DPH6: variants seen among roughly 807,000 people sequenced by gnomAD.
DPH6 encodes the protein diphthamine biosynthesis 6.
In DPH6, 33 loss-of-function variants were observed where a neutral mutation model predicts 38.2. The ratio of observed to expected loss-of-function variants is 0.86; its 90% CI spans 0.65 to 1.15. DPH6 has a LOEUF of 1.15. Ranked by LOEUF, DPH6 falls within the 50% of genes most tolerant of loss-of-function variation. The probability of loss-of-function intolerance (pLI) is 0.00; values close to 1 mark genes in which losing one functional copy is unlikely to be tolerated. For missense variants in DPH6, 325 were observed against 320.0 expected (o/e 1.02, Z -0.12); for synonymous variants, 108 against 103.0 (o/e 1.05, Z -0.30).
chr15:35,237,298 G>A lies in DPH6; in HGVS notation n.201-16716C>T, dbSNP rs144488255. 322 of 1,561,014 alleles carry A rather than the reference G, an allele frequency of 2.1e-4. 1 individual carries two copies. In the African/African-American group the frequency reaches 3.2e-3, roughly 16 times the overall value. ...GTGTTATTGATTGAATTCCAGCGGC[G>A]CGGGAGCCTCTGCAGAGAACGCGAG... On this transcript the variant is annotated intron_variant and non_coding_transcript_variant, in intron 3 of 3. Coordinates refer to the DPH6 transcript ENST00000560386.
chr15:35,260,707 T>TC (rs1271875211), intron 3 of DPH6, among the ~76,000 whole-genome samples: 2 of 152,086 alleles, frequency 1.3e-5, no homozygotes, highest in Non-Finnish European at 2.9e-5. Context: ...TTTTTTTACC[T>TC]CCTTCCCTAT....
chr15:35,223,247 AAG>A (rs1220201851), intron 3 of DPH6, among the ~76,000 whole-genome samples: 1 of 152,132 alleles, frequency 6.6e-6, no homozygotes, highest in African/African-American at 2.4e-5. Context: ...GAAGAGCAAA[AAG>A]AGGGCAAGAA....
chr15:35,489,625 G>T, intron 3 of DPH6: 7 of 981,984 alleles, frequency 7.1e-6, no homozygotes, highest in Non-Finnish European at 7.3e-6. Flanking sequence ...AAAGTTCTCT[G>T]CAACATAATG....
chr15:35,245,304 T>C (rs1039788277), intron 3 of DPH6, among the ~76,000 whole-genome samples: 18 of 142,670 alleles, frequency 1.3e-4, no homozygotes, highest in Admixed American at 1.1e-3. Flanking sequence ...AGTGGTGCCA[T>C]CTCGGCTCAC....
chr15:35,216,163 C>A (rs969561999), downstream of DPH6, among the ~76,000 whole-genome samples: 7 of 152,272 alleles, frequency 4.6e-5, no homozygotes, highest in South Asian at 2.1e-4. Context: ...GGGTTGTGGG[C>A]CTTTGGACAG....
intron 3 of DPH6, among the ~76,000 whole-genome samples, chr15:35,513,811 A>G (rs2054808573): frequency 6.6e-6 from 1 of 152,038 alleles, no homozygotes; most frequent in Non-Finnish European, 1.5e-5. Context: ...AATGAACATT[A>G]TAACACTCGA....
chr15:35,478,406 A>ACACAC (rs1566925048), intron 3 of DPH6, among the ~76,000 whole-genome samples: 9 of 131,264 alleles, frequency 6.9e-5, no homozygotes, highest in African/African-American at 2.7e-4. Flanking sequence ...CACACACACA[A>ACACAC]AGATTGTAAA....
chr15:35,380,217 C>T (rs1164846236), intron 7 of DPH6, among the ~76,000 whole-genome samples: 1 of 152,236 alleles, frequency 6.6e-6, no homozygotes, highest in Admixed American at 6.5e-5. Flanking sequence ...GTTCTACTCA[C>T]ACTTTGCACT....
chr15:35,523,318 T>C (rs1307561797), intron 3 of DPH6, among the ~76,000 whole-genome samples: 1 of 150,568 alleles, frequency 6.6e-6, no homozygotes, highest in Non-Finnish European at 1.5e-5. Flanking sequence ...CCATTATCTC[T>C]ATTTGGAGAC....
downstream of DPH6, among the ~76,000 whole-genome samples, chr15:35,326,145 T>G (rs889875018): frequency 3.3e-5 from 5 of 152,204 alleles, no homozygotes; most frequent in African/African-American, 1.2e-4. Context: ...TTTTCTGAAC[T>G]TGAACATGTG....
At chr15:35,357,532 T>A (rs888920318) in intron 3 of DPH6, among the ~76,000 whole-genome samples, 3 of 152,260 alleles carry the variant, frequency 2.0e-5, no homozygotes, top group African/African-American at 7.2e-5. Context: ...TCAGGATTTA[T>A]TTCAAGATTG....
At chr15:35,221,558 TGA>T (rs999353766) in intron 3 of DPH6, among the ~76,000 whole-genome samples, 18 of 152,200 alleles carry the variant, frequency 1.2e-4, no homozygotes, top group African/African-American at 4.3e-4. Flanking sequence ...TGTATGTTCC[TGA>T]GAGAGGTAGC....
intron 3 of DPH6, among the ~76,000 whole-genome samples, chr15:35,515,285 A>G (rs1406142661): frequency 6.6e-6 from 1 of 152,102 alleles, no homozygotes; most frequent in East Asian, 1.9e-4. Context: ...AGCATATAGA[A>G]CAAAATCATC....
At chr15:35,171,277 C>T in the DPH6 span, among the ~76,000 whole-genome samples, 1 of 152,220 alleles carries the variant, frequency 6.6e-6, no homozygotes, top group South Asian at 2.1e-4. Flanking sequence ...GGAATTACCA[C>T]CACCATCAGG....
intron 3 of DPH6, among the ~76,000 whole-genome samples, chr15:35,516,393 A>C (rs1011141318): frequency 6.6e-6 from 1 of 152,220 alleles, no homozygotes; most frequent in African/African-American, 2.4e-5. Context: ...TATATGATCT[A>C]TTCTACATGG....
chr15:35,450,639 C>A, intron 5 of DPH6, 46 bp downstream of exon 5: 4 of 1,441,530 alleles, frequency 2.8e-6, no homozygotes, highest in South Asian at 2.3e-5. Flanking sequence ...GAACTGAGAT[C>A]ATCTATGTGG....
At chr15:35,262,163 CT>C (rs1477450831) in intron 3 of DPH6, among the ~76,000 whole-genome samples, 9 of 152,072 alleles carry the variant, frequency 5.9e-5, no homozygotes, top group African/African-American at 2.2e-4. Flanking sequence ...TATAGTTATA[CT>C]TTTTTTCCTA....
rs2052713998 is a variant in DPH6 at position 35,371,611 on chromosome 15, T to C, written c.*539A>G. Reference sequence around the variant, plus strand: ...TTTTAAAAATCAGTTATAAAATAACTTGTAAGAGTTAAGGACATTCTTCCT... The same window carrying C: ...TTTTAAAAATCAGTTATAAAATAACCTGTAAGAGTTAAGGACATTCTTCCT... On this transcript the variant is annotated 3_prime_UTR_variant, in exon 9 of 9. Coordinates refer to ENST00000256538, the MANE Select transcript of DPH6 (RefSeq NM_080650.4). The C allele has an allele frequency of 1.0e-6, 1 of 983,620 alleles. No homozygotes were observed. The allele number at this position is 983,620 out of a possible 1,614,324, so 60.9% of individuals were successfully genotyped here. A position where few individuals can be genotyped will look rare whatever the true frequency, so the allele number is the denominator to read the frequency against.
At chr15:35,145,284 T>G in the DPH6 span, among the ~76,000 whole-genome samples, 1 of 152,234 alleles carries the variant, frequency 6.6e-6, no homozygotes, top group Non-Finnish European at 1.5e-5. Context: ...ATTTTGGATT[T>G]CATAACATAG....
Sources: gnomAD v4.1 joint callset for allele counts (sites outside exome capture counted in the v4.1 genomes callset) on GRCh38, gnomAD v4.1.1 for gene constraint, MANE v1.5 for transcripts, NCBI Gene and HGNC (gene_info 2026-07-23, HGNC 2026-07-21) for gene names.